The following SLIT2 variants were observed in gnomAD, a reference collection of about 807,000 sequenced individuals.
SLIT2 encodes slit guidance ligand 2, also known as slit homolog 2 protein.
In SLIT2, 41 loss-of-function variants were observed where a neutral mutation model predicts 185.7. The observed-to-expected ratio is 0.22, with a 90% CI of 0.17 to 0.29. SLIT2 has a LOEUF of 0.29. Ranked by LOEUF, SLIT2 falls within the 10% of genes least tolerant of loss-of-function variation. SLIT2 has a pLI of 1.00. For synonymous variants in SLIT2, 693 were observed against 680.2 expected, an observed-to-expected ratio of 1.02 and a Z score of -0.29; for missense variants, 1,571 against 1,909.0, an observed-to-expected ratio of 0.82 and a Z score of 3.30.
At chr4:20,316,897 G>C (rs192927223) in intron 4 of SLIT2, among the ~76,000 whole-genome samples, 1 of 150,000 alleles carries the variant, frequency 6.7e-6, no homozygotes, top group Non-Finnish European at 1.5e-5. Flanking sequence ...TTGTGAACAA[G>C]GAAAGCAAAT....
intron 29 of SLIT2, chr4:20,569,381 C>T (rs1030341884): frequency 1.5e-4 from 33 of 219,150 alleles, no homozygotes; most frequent in Non-Finnish European, 2.4e-4. Context: ...CATAATTAAG[C>T]TTTTGAGATC....
chr4:20,360,185 A>G (rs1011191779), intron 4 of SLIT2, among the ~76,000 whole-genome samples: 2 of 152,190 alleles, frequency 1.3e-5, no homozygotes, highest in Non-Finnish European at 2.9e-5. Context: ...AAGTCATTCC[A>G]TTAACCAAAA....
chr4:20,430,797 T>C (rs927905184), intron 4 of SLIT2, among the ~76,000 whole-genome samples: 1 of 152,220 alleles, frequency 6.6e-6, no homozygotes, highest in African/African-American at 2.4e-5. Flanking sequence ...TCTATAGGCC[T>C]TTGCCTTCCT....
At chr4:20,491,360 T>C (rs1418206385) in intron 8 of SLIT2, among the ~76,000 whole-genome samples, 2 of 152,180 alleles carry the variant, frequency 1.3e-5, no homozygotes, top group Non-Finnish European at 2.9e-5. Context: ...AATTACAAAG[T>C]AAATAAAGCT....
At chr4:20,551,080 C>T (rs1033103987) in intron 25 of SLIT2, among the ~76,000 whole-genome samples, 182 bp downstream of exon 25, 5 of 152,130 alleles carry the variant, frequency 3.3e-5, no homozygotes, top group Non-Finnish European at 7.3e-5. Flanking sequence ...TTTAATTTTC[C>T]CTTCTGGCTC....
chr4:20,478,418 A>C (rs1716343326), intron 5 of SLIT2, among the ~76,000 whole-genome samples: 1 of 152,216 alleles, frequency 6.6e-6, no homozygotes, highest in African/African-American at 2.4e-5. Context: ...ATTAAAGAAC[A>C]ATGAAATTAC....
At chr4:20,509,618 G>C (rs141667268) in intron 9 of SLIT2, among the ~76,000 whole-genome samples, 6 of 152,284 alleles carry the variant, frequency 3.9e-5, no homozygotes, top group African/African-American at 1.4e-4. Flanking sequence ...CAGAACAGAG[G>C]AGAAGGGGAT....
intron 3 of SLIT2, among the ~76,000 whole-genome samples, chr4:20,265,527 A>G (rs1319084407): frequency 1.3e-5 from 2 of 152,024 alleles, no homozygotes; most frequent in East Asian, 3.9e-4. Context: ...GTGCAATACC[A>G]CCTTGTCTTA....
At chr4:20,286,042 C>T (rs970721250) in intron 4 of SLIT2, among the ~76,000 whole-genome samples, 3 of 152,162 alleles carry the variant, frequency 2.0e-5, no homozygotes, top group African/African-American at 4.8e-5. Flanking sequence ...GACCAAATTA[C>T]GGATGAGAAA....
intron 15 of SLIT2, 115 bp downstream of exon 15, chr4:20,525,287 A>G: frequency 2.6e-6 from 2 of 779,810 alleles, no homozygotes; most frequent in Non-Finnish European, 2.2e-6. Context: ...CTCTATAGAT[A>G]GATTGACTTA....
At chr4:20,470,908 A>G (rs1303883887) in intron 5 of SLIT2, among the ~76,000 whole-genome samples, 1 of 152,124 alleles carries the variant, frequency 6.6e-6, no homozygotes, top group Admixed American at 6.6e-5. Context: ...GAATAGCCGC[A>G]GTGGTAAGAA....
intron 33 of SLIT2, among the ~76,000 whole-genome samples, chr4:20,599,813 A>G (rs1560229563): frequency 6.6e-6 from 1 of 152,238 alleles, no homozygotes; most frequent in Admixed American, 6.5e-5. Flanking sequence ...TGATTATGAC[A>G]TAAAGTGGAG....
chr4:20,413,403 A>G (rs1050818071), intron 4 of SLIT2, among the ~76,000 whole-genome samples: 2 of 152,046 alleles, frequency 1.3e-5, no homozygotes, highest in African/African-American at 4.8e-5. Context: ...ATATGGAATT[A>G]ATGTGTATTT....
chr4:20,454,838 A>G (rs1272137182), intron 4 of SLIT2, among the ~76,000 whole-genome samples: 1 of 152,194 alleles, frequency 6.6e-6, no homozygotes, highest in Non-Finnish European at 1.5e-5. Flanking sequence ...CGTGGGCAAT[A>G]AAATAGCAGC....
chr4:20,530,316 C>T (rs1465822814), intron 16 of SLIT2, among the ~76,000 whole-genome samples: 1 of 151,798 alleles, frequency 6.6e-6, no homozygotes, highest in Non-Finnish European at 1.5e-5. Flanking sequence ...CTCACCCAGG[C>T]AGGAGTGCAG....
intron 4 of SLIT2, among the ~76,000 whole-genome samples, chr4:20,455,150 G>A (rs1712924428): frequency 6.6e-6 from 1 of 152,052 alleles, no homozygotes; most frequent in Non-Finnish European, 1.5e-5. Flanking sequence ...TACCCATTTT[G>A]AAAACAGTTT....
At chr4:20,378,650 C>G (rs1724230062) in intron 4 of SLIT2, among the ~76,000 whole-genome samples, 1 of 152,080 alleles carries the variant, frequency 6.6e-6, no homozygotes, top group Non-Finnish European at 1.5e-5. Flanking sequence ...TTTTCAGTAA[C>G]TGGAAGGTTA....
intron 4 of SLIT2, among the ~76,000 whole-genome samples, chr4:20,340,539 TAG>T (rs545401812): frequency 1.3e-5 from 2 of 152,204 alleles, no homozygotes; most frequent in South Asian, 4.1e-4. Flanking sequence ...CCTGCCCTCA[TAG>T]AGTTTAATTT....
chr4:20,397,900 G>A (rs1726038475), intron 4 of SLIT2, among the ~76,000 whole-genome samples: 1 of 151,798 alleles, frequency 6.6e-6, no homozygotes, highest in Admixed American at 6.6e-5. Flanking sequence ...TAAGTAGAGG[G>A]AGAAGTCAAA....
Sources: gnomAD v4.1 joint callset for allele counts (sites outside exome capture counted in the v4.1 genomes callset) on GRCh38, gnomAD v4.1.1 for gene constraint, MANE v1.5 for transcripts, NCBI Gene and HGNC (gene_info 2026-07-23, HGNC 2026-07-21) for gene names.